ANK2: variants seen among roughly 807,000 people sequenced by gnomAD.
ANK2 encodes the protein ankyrin-2.
Under a neutral mutation model 360.5 loss-of-function variants are expected in ANK2, and 83 were observed. The observed-to-expected ratio is 0.23, with a 90% CI of 0.19 to 0.28. The LOEUF (loss-of-function observed/expected upper bound fraction) is 0.28, where lower values mean the gene tolerates loss of function less well. Ranked by LOEUF, ANK2 falls within the 10% of genes least tolerant of loss-of-function variation. The pLI is 1.00. For synonymous variants in ANK2, 1,740 were observed against 1,759.5 expected, an observed-to-expected ratio of 0.99 and a Z score of 0.28; for missense variants, 4,201 against 4,795.7, an observed-to-expected ratio of 0.88 and a Z score of 3.66.
intron 3 of ANK2, among the ~76,000 whole-genome samples, chr4:113,197,727 AAACT>A (rs1184546730): frequency 1.3e-5 from 2 of 152,248 alleles, no homozygotes; most frequent in Admixed American, 6.5e-5. Flanking sequence ...AAAACAAAAC[AAACT>A]AACAACTGGC....
intron 2 of ANK2, among the ~76,000 whole-genome samples, chr4:112,933,795 CG>C (rs1490310578): frequency 6.6e-6 from 1 of 151,898 alleles, no homozygotes; most frequent in African/African-American, 2.4e-5. Flanking sequence ...TCACTGTGCC[CG>C]GCAGAGATGG....
chr4:112,978,096 T>G (rs1158438338), intron 2 of ANK2, among the ~76,000 whole-genome samples: 2 of 152,014 alleles, frequency 1.3e-5, no homozygotes, highest in Non-Finnish European at 2.9e-5. Flanking sequence ...CACAAAAAAT[T>G]AGCCGGGTAT....
At chr4:113,257,053 A>G (rs1237561128) in intron 11 of ANK2, among the ~76,000 whole-genome samples, 3 of 152,224 alleles carry the variant, frequency 2.0e-5, no homozygotes, top group Non-Finnish European at 4.4e-5. Context: ...CCAATTAATT[A>G]TGTTTATCAC....
At chr4:113,079,895 G>T (rs574785285) in intron 1 of ANK2, among the ~76,000 whole-genome samples, 284 of 58,404 alleles carry the variant, frequency 4.9e-3, no homozygotes, top group African/African-American at 0.016. Context: ...ATCACCCTGA[G>T]AATTTTTTTT....
chr4:113,190,042 G>T lies in ANK2; in HGVS notation c.187-6326G>T, dbSNP rs1401198998. On this transcript the variant is annotated intron_variant, in intron 2 of 45. Coordinates refer to ENST00000357077, the MANE Select transcript of ANK2 (RefSeq NM_001148.6). ...GAAACACAGAATTTTGTTATTACTT[G>T]TCATCTGATCTTAGAAACACAGAAT... Among the ~76,000 whole-genome samples the T allele has an allele frequency of 2.6e-5, 4 of 151,844 alleles. No individual in the cohort carries two copies. The South Asian group carries it at 8.3e-4, about 32-fold the overall frequency.
At chr4:113,325,508 A>G (rs528621851) in intron 26 of ANK2, among the ~76,000 whole-genome samples, 2 of 152,320 alleles carry the variant, frequency 1.3e-5, no homozygotes, top group Non-Finnish European at 2.9e-5. Flanking sequence ...AGATAGAGAT[A>G]TAACTAGACC....
intron 1 of ANK2, among the ~76,000 whole-genome samples, chr4:113,094,299 A>C (rs1293361849): frequency 1.3e-5 from 2 of 152,240 alleles, no homozygotes; most frequent in East Asian, 1.9e-4. Flanking sequence ...GTTATGCTTA[A>C]GCATCAGATT....
At chr4:113,336,861 C>T in intron 31 of ANK2, 80 bp downstream of exon 31, 1 of 1,356,778 alleles carries the variant, frequency 7.4e-7, no homozygotes, top group Admixed American at 1.7e-5. Flanking sequence ...TTACCTTTGT[C>T]ATAAGATGTC....
chr4:113,372,609 G>A (rs907241418), intron 43 of ANK2: 14 of 1,535,480 alleles, frequency 9.1e-6, no homozygotes, highest in African/African-American at 6.8e-5. Flanking sequence ...GTTGTCCGCC[G>A]GCGAGTGATT....
chr4:112,831,411 A>C (rs1264616468), intron 1 of ANK2, among the ~76,000 whole-genome samples: 1 of 152,198 alleles, frequency 6.6e-6, no homozygotes, highest in Non-Finnish European at 1.5e-5. Flanking sequence ...GGACTTGGAG[A>C]ACTTTTGTGT....
chr4:112,807,298 T>A, the ANK2 span, among the ~76,000 whole-genome samples: 1 of 152,336 alleles, frequency 6.6e-6, no homozygotes, highest in East Asian at 1.9e-4. Flanking sequence ...TTGAACTGAA[T>A]AAGATTTCAT....
intron 1 of ANK2, among the ~76,000 whole-genome samples, chr4:112,899,358 T>C (rs746692194): frequency 1.4e-4 from 22 of 152,248 alleles, no homozygotes; most frequent in Non-Finnish European, 2.9e-4. Context: ...CCAAAATAAT[T>C]TTAAACTATT....
At chr4:112,887,536 G>A (rs890518126) in intron 1 of ANK2, among the ~76,000 whole-genome samples, 1 of 152,034 alleles carries the variant, frequency 6.6e-6, no homozygotes, top group Non-Finnish European at 1.5e-5. Flanking sequence ...AATTATTTTT[G>A]AATATATGAA....
intron 1 of ANK2, among the ~76,000 whole-genome samples, chr4:113,157,959 A>T (rs2097364409): frequency 6.6e-6 from 1 of 152,226 alleles, no homozygotes; most frequent in Non-Finnish European, 1.5e-5. Flanking sequence ...AGCTATTAAT[A>T]TTGTGGTAAA....
chr4:113,090,186 C>G (rs2087119551), intron 1 of ANK2, among the ~76,000 whole-genome samples: 1 of 152,306 alleles, frequency 6.6e-6, no homozygotes, highest in East Asian at 1.9e-4. Flanking sequence ...TCAGTTAAAT[C>G]TCTTTCTAAG....
rs767965333 is a variant in ANK2 at position 113,000,010 on chromosome 4, AG to A, written c.21+95498del. Among the ~76,000 whole-genome samples the A allele has an allele frequency of 7.2e-4, 109 of 152,318 alleles. 1 individual carries two copies. Among genetic ancestry groups the A allele is most frequent in the Admixed American group, 3.0e-3 (46 of 15,292 alleles). Reference sequence around the variant, plus strand: ...ATGAAAGACAGATTAACACAAGAAAAGGAATACAAGTTTTATTTTATGTGCA... The same window carrying A: ...ATGAAAGACAGATTAACACAAGAAAAGAATACAAGTTTTATTTTATGTGCA... On this transcript the variant is annotated intron_variant, in intron 2 of 30. Transcript: ENST00000503271.
intron 18 of ANK2, among the ~76,000 whole-genome samples, chr4:113,283,750 C>G (rs578010258): frequency 9.2e-5 from 14 of 152,276 alleles, no homozygotes; most frequent in African/African-American, 2.9e-4. Context: ...GTTGGTCTGT[C>G]ATTTGATGTC....
the ANK2 span, among the ~76,000 whole-genome samples, chr4:112,751,683 T>C: frequency 6.6e-6 from 1 of 152,046 alleles, no homozygotes; most frequent in Non-Finnish European, 1.5e-5. Context: ...GGAACAGGAA[T>C]GCACCCAGAG....
At chr4:112,859,407 G>A (rs143411332) in intron 1 of ANK2, among the ~76,000 whole-genome samples, 90 of 152,132 alleles carry the variant, frequency 5.9e-4, no homozygotes, top group Admixed American at 1.0e-3. Flanking sequence ...CTATTCTTAC[G>A]TGGTTCCAAA....
Sources: allele counts gnomAD v4.1 joint callset (sites outside exome capture counted in the v4.1 genomes callset), GRCh38; gene constraint gnomAD v4.1.1; transcripts MANE v1.5; gene names NCBI Gene and HGNC (gene_info 2026-07-23, HGNC 2026-07-21).